Variants in RABGAP1L observed in about 807,000 individuals in gnomAD.
RABGAP1L encodes RAB GTPase activating protein 1 like.
In RABGAP1L, 63 loss-of-function variants were observed where a neutral mutation model predicts 137.7. The ratio of observed to expected loss-of-function variants is 0.46; its 90% CI spans 0.37 to 0.56. The LOEUF (loss-of-function observed/expected upper bound fraction) is 0.56, where lower values mean the gene tolerates loss of function less well. RABGAP1L is among the 20% of genes least tolerant of loss of function. The pLI, the probability that RABGAP1L is intolerant of heterozygous loss-of-function variation, is 0.00. For missense variants in RABGAP1L, 1,095 were observed against 1,244.0 expected, an observed-to-expected ratio of 0.88 and a Z score of 1.80; for synonymous variants, 431 against 433.7, an observed-to-expected ratio of 0.99 and a Z score of 0.08.
chr1:174,735,425 C>T (rs372272839), intron 17 of RABGAP1L, among the ~76,000 whole-genome samples: 160 of 151,498 alleles, frequency 1.1e-3, no homozygotes, highest in African/African-American at 3.5e-3. Context: ...AACAGGAAAT[C>T]GTGGTCTTTG....
At chr1:174,296,492 CT>C (rs1278827279) in intron 10 of RABGAP1L, among the ~76,000 whole-genome samples, 1 of 152,186 alleles carries the variant, frequency 6.6e-6, no homozygotes, top group Non-Finnish European at 1.5e-5. Context: ...GTAAAAACTG[CT>C]TGTCGCCAAC....
chr1:174,861,750 C>T (rs1650304210), intron 19 of RABGAP1L, among the ~76,000 whole-genome samples: 1 of 151,906 alleles, frequency 6.6e-6, no homozygotes, highest in South Asian at 2.1e-4. Flanking sequence ...TTTATGACTT[C>T]TTTGGGAAAA....
At chr1:174,891,394 A>T (rs973743566) in intron 19 of RABGAP1L, among the ~76,000 whole-genome samples, 6 of 152,200 alleles carry the variant, frequency 3.9e-5, no homozygotes, top group Non-Finnish European at 7.3e-5. Context: ...TAGGGAAATG[A>T]TATAATAAGG....
intron 19 of RABGAP1L, among the ~76,000 whole-genome samples, chr1:174,938,734 A>G (rs1157250178): frequency 6.6e-6 from 1 of 152,228 alleles, no homozygotes; most frequent in Non-Finnish European, 1.5e-5. Context: ...TGACAGTCAA[A>G]CAGCTGCAAT....
At chr1:174,851,508 A>G (rs1558149495) in intron 19 of RABGAP1L, among the ~76,000 whole-genome samples, 1 of 151,230 alleles carries the variant, frequency 6.6e-6, no homozygotes, top group Non-Finnish European at 1.5e-5. Context: ...TGTATTTTCA[A>G]TGAAGAAGTT....
At chr1:174,676,207 G>A (rs1677613374) in intron 14 of RABGAP1L, among the ~76,000 whole-genome samples, 1 of 152,130 alleles carries the variant, frequency 6.6e-6, no homozygotes, top group Non-Finnish European at 1.5e-5. Flanking sequence ...CTATAGACCT[G>A]TATATTGTTG....
intron 13 of RABGAP1L, among the ~76,000 whole-genome samples, chr1:174,603,569 C>A (rs1216898867): frequency 6.6e-6 from 1 of 152,150 alleles, no homozygotes; most frequent in Non-Finnish European, 1.5e-5. Context: ...TAAGCTGGCA[C>A]CCCCACCACA....
chr1:174,548,501 G>A lies in RABGAP1L; in HGVS notation c.1711-88874G>A, dbSNP rs1385902925. On this transcript the variant is annotated intron_variant, in intron 13 of 25. Transcript: ENST00000681986. The stretch of plus-strand genomic sequence containing the variant: ...AAATTTTATAACCTGATTTTCTCAT[G>A]GCAGTGTACAAATGAAATTATTCTG... The A allele has an allele frequency of 3.2e-6, 3 of 949,066 alleles. No homozygotes were observed. The African/African-American group carries it at 5.3e-5, about 17-fold the overall frequency. 58.8% of individuals were successfully genotyped at this position (949,066 alleles called of 1,614,324 possible).
intron 15 of RABGAP1L, among the ~76,000 whole-genome samples, chr1:174,689,661 A>G (rs926277437): frequency 3.3e-5 from 5 of 152,168 alleles, no homozygotes; most frequent in African/African-American, 9.7e-5. Flanking sequence ...GTCTTTTGCT[A>G]TAGCTCCTGC....
At chr1:174,187,730 G>T (rs575808375) in intron 1 of RABGAP1L, among the ~76,000 whole-genome samples, 1 of 152,100 alleles carries the variant, frequency 6.6e-6, no homozygotes, top group Non-Finnish European at 1.5e-5. Flanking sequence ...ACTATCTTAA[G>T]AATTCTGATC....
chr1:174,627,479 T>A (rs1006089717), intron 13 of RABGAP1L, among the ~76,000 whole-genome samples: 1 of 152,216 alleles, frequency 6.6e-6, no homozygotes, highest in African/African-American at 2.4e-5. Flanking sequence ...GGAGAACAGT[T>A]CATGTAATAC....
chr1:174,564,342 A>G (rs1557853133), intron 13 of RABGAP1L, among the ~76,000 whole-genome samples: 1 of 152,130 alleles, frequency 6.6e-6, no homozygotes, highest in Non-Finnish European at 1.5e-5. Context: ...GCAACTAATT[A>G]TTGAACTCCT....
intron 13 of RABGAP1L, among the ~76,000 whole-genome samples, chr1:174,495,321 A>G (rs960599709): frequency 6.6e-6 from 1 of 152,188 alleles, no homozygotes; most frequent in Non-Finnish European, 1.5e-5. Flanking sequence ...TTAAAACAAT[A>G]TACTTTTTTT....
intron 13 of RABGAP1L, among the ~76,000 whole-genome samples, chr1:174,598,678 G>GT (rs1227175792): frequency 1.3e-5 from 2 of 151,946 alleles, no homozygotes; most frequent in African/African-American, 4.8e-5. Context: ...TCTTTTCATA[G>GT]TTTTTAATAT....
At chr1:174,262,765 T>G (rs1321454870) in intron 7 of RABGAP1L, among the ~76,000 whole-genome samples, 1 of 152,240 alleles carries the variant, frequency 6.6e-6, no homozygotes, top group African/African-American at 2.4e-5. Flanking sequence ...AGTTACCAGG[T>G]TATTGCCCCT....
intron 19 of RABGAP1L, among the ~76,000 whole-genome samples, chr1:174,864,790 C>T (rs1650915590): frequency 6.6e-6 from 1 of 152,192 alleles, no homozygotes. Context: ...TCTTACTGCA[C>T]CCTTTGCATT....
intron 19 of RABGAP1L, among the ~76,000 whole-genome samples, chr1:174,929,424 T>G (rs145496723): frequency 1.8e-4 from 28 of 152,224 alleles, no homozygotes; most frequent in African/African-American, 6.5e-4. Context: ...TATGACCAAT[T>G]TATCTGCTTT....
At chr1:174,733,895 G>A (rs1247235853) in intron 17 of RABGAP1L, among the ~76,000 whole-genome samples, 5 of 152,200 alleles carry the variant, frequency 3.3e-5, no homozygotes, top group Non-Finnish European at 5.9e-5. Context: ...TCCAGATCAG[G>A]AGGTGATGAT....
At chr1:174,257,060 A>G (rs1034041279) in intron 7 of RABGAP1L, among the ~76,000 whole-genome samples, 29 of 152,090 alleles carry the variant, frequency 1.9e-4, no homozygotes, top group Admixed American at 1.7e-3. Context: ...CCCCAGTACT[A>G]TATAATTGAC....
Sources: allele counts gnomAD v4.1 joint callset (sites outside exome capture counted in the v4.1 genomes callset), GRCh38; gene constraint gnomAD v4.1.1; transcripts MANE v1.5; gene names NCBI Gene and HGNC (gene_info 2026-07-23, HGNC 2026-07-21).